Variants in GSK3B observed in about 807,000 individuals in gnomAD.
The protein encoded by GSK3B is glycogen synthase kinase-3 beta.
A neutral mutation model predicts 56.4 loss-of-function variants in GSK3B; 15 were observed. That is an observed-to-expected ratio of 0.27 (90% CI 0.18 to 0.41). The LOEUF is 0.41. Among genes scored for constraint, GSK3B ranks in the 10% least tolerant of loss-of-function variants. GSK3B has a pLI of 1.00. For synonymous variants in GSK3B, 181 were observed against 188.9 expected, an observed-to-expected ratio of 0.96 and a Z score of 0.34; for missense variants, 300 against 513.4, an observed-to-expected ratio of 0.58 and a Z score of 4.02.
At position 119,831,448 on chromosome 3, in the gene GSK3B, G is replaced by A. The variant is rs112226553; in HGVS notation, c.1196-4593C>T. ...CGAGGTGGGCGGATCACAAAGTCAG[G>A]AGATAGAGACCATCCTGGCTAACAC... On this transcript the variant is annotated intron_variant, in intron 10 of 10. Transcript: ENST00000264235. Among the ~76,000 whole-genome samples the A allele has an allele frequency of 9.4e-3, 1,428 of 152,188 alleles. 15 individuals are homozygous for A. The highest frequency in any genetic ancestry group is 0.032 in the African/African-American group (1,340 of 41,518).
intron 1 of GSK3B, among the ~76,000 whole-genome samples, chr3:120,020,232 T>C (rs964570982): frequency 3.9e-5 from 6 of 152,192 alleles, no homozygotes; most frequent in Non-Finnish European, 7.3e-5. Flanking sequence ...ACACCATACA[T>C]TTTCAAATAC....
At chr3:120,043,808 A>T (rs2058081859) in intron 1 of GSK3B, among the ~76,000 whole-genome samples, 1 of 152,204 alleles carries the variant, frequency 6.6e-6, no homozygotes, top group African/African-American at 2.4e-5. Context: ...AGACCAATGG[A>T]TACAACCCTA....
intron 7 of GSK3B, among the ~76,000 whole-genome samples, chr3:119,890,395 A>G (rs1284692791): frequency 6.6e-6 from 1 of 152,124 alleles, no homozygotes; most frequent in African/African-American, 2.4e-5. Flanking sequence ...AAAGAAATAT[A>G]TGATTTCGTT....
At chr3:119,863,857 A>C (rs1441119402) in intron 8 of GSK3B, among the ~76,000 whole-genome samples, 1 of 152,236 alleles carries the variant, frequency 6.6e-6, no homozygotes, top group Non-Finnish European at 1.5e-5. Context: ...AGACATGCAT[A>C]CAAAATATGA....
chr3:120,080,548 C>T (rs2058410596), intron 1 of GSK3B, among the ~76,000 whole-genome samples: 2 of 151,788 alleles, frequency 1.3e-5, no homozygotes, highest in Admixed American at 1.3e-4. Flanking sequence ...AAATTAGTTT[C>T]GGCCAGGTGC....
At chr3:119,911,579 G>A (rs1260601477) in intron 6 of GSK3B, among the ~76,000 whole-genome samples, 5 of 152,064 alleles carry the variant, frequency 3.3e-5, no homozygotes, top group East Asian at 1.9e-4. Flanking sequence ...AGTCCTAAAC[G>A]GTATCTTCTT....
At chr3:119,916,248 G>A (rs2056779319) in intron 4 of GSK3B, 74 bp from the exon 5 acceptor site, 1 of 1,278,734 alleles carries the variant, frequency 7.8e-7, no homozygotes, top group Admixed American at 2.0e-5. Context: ...AGTCAATAAA[G>A]TAACAGATTC....
intron 1 of GSK3B, among the ~76,000 whole-genome samples, chr3:120,014,208 C>A (rs1204313331): frequency 2.7e-5 from 4 of 150,620 alleles, no homozygotes; most frequent in African/African-American, 9.7e-5. Context: ...CAGTGGCTCA[C>A]ATCTGCAATC....
chr3:120,003,253 C>T (rs1402820794), intron 1 of GSK3B, among the ~76,000 whole-genome samples: 1 of 152,222 alleles, frequency 6.6e-6, no homozygotes, highest in Non-Finnish European at 1.5e-5. Flanking sequence ...TCCAACGGCT[C>T]TCTTCAATTC....
chr3:119,918,111 T>C (rs1290806487), intron 4 of GSK3B, among the ~76,000 whole-genome samples: 1 of 152,150 alleles, frequency 6.6e-6, no homozygotes, highest in Non-Finnish European at 1.5e-5. Context: ...AGTGCTTCTC[T>C]TTCAATTACT....
intron 2 of GSK3B, among the ~76,000 whole-genome samples, chr3:119,979,171 C>T (rs956239806): frequency 6.6e-6 from 1 of 152,148 alleles, no homozygotes; most frequent in Admixed American, 6.5e-5. Context: ...CTTTAACTTG[C>T]AAATTCTCAG....
intron 2 of GSK3B, among the ~76,000 whole-genome samples, chr3:119,950,136 T>C (rs1178810625): frequency 3.3e-5 from 5 of 152,140 alleles, no homozygotes; most frequent in South Asian, 2.1e-4. Flanking sequence ...AGAAAGAATG[T>C]TATCTTAGAA....
At chr3:120,055,401 T>A (rs565731620) in intron 1 of GSK3B, among the ~76,000 whole-genome samples, 20 of 152,310 alleles carry the variant, frequency 1.3e-4, no homozygotes, top group African/African-American at 4.6e-4. Flanking sequence ...ACAGCAATAA[T>A]AGTATATCAA....
At chr3:119,880,220 A>G (rs1411704758) in intron 7 of GSK3B, among the ~76,000 whole-genome samples, 1 of 152,218 alleles carries the variant, frequency 6.6e-6, no homozygotes, top group African/African-American at 2.4e-5. Context: ...CTGATGATCA[A>G]TGATGTTGAG....
chr3:119,979,354 C>T (rs560170968), intron 2 of GSK3B, among the ~76,000 whole-genome samples: 1 of 152,208 alleles, frequency 6.6e-6, no homozygotes, highest in Admixed American at 6.5e-5. Flanking sequence ...TCCGAAACTC[C>T]TTTTGACCCT....
At chr3:119,886,913 T>C (rs1373101099) in intron 7 of GSK3B, among the ~76,000 whole-genome samples, 1 of 152,090 alleles carries the variant, frequency 6.6e-6, no homozygotes, top group Non-Finnish European at 1.5e-5. Context: ...CTATGCTCAG[T>C]ACCTGGGTGA....
At chr3:120,077,418 T>C (rs1243172477) in intron 1 of GSK3B, among the ~76,000 whole-genome samples, 2 of 152,154 alleles carry the variant, frequency 1.3e-5, no homozygotes, top group Admixed American at 1.3e-4. Context: ...CAATTATATG[T>C]GAAATCTTTT....
intron 1 of GSK3B, among the ~76,000 whole-genome samples, chr3:120,037,741 G>A (rs906065755): frequency 1.6e-4 from 24 of 151,766 alleles, no homozygotes; most frequent in Non-Finnish European, 1.5e-5. Context: ...GAGCATATAA[G>A]CATGCATTTA....
intron 1 of GSK3B, among the ~76,000 whole-genome samples, chr3:120,009,179 A>T (rs1032562605): frequency 6.6e-6 from 1 of 152,198 alleles, no homozygotes; most frequent in African/African-American, 2.4e-5. Flanking sequence ...AAAAGTCAGG[A>T]AACAACAGAT....
Sources: allele counts gnomAD v4.1 joint callset (sites outside exome capture counted in the v4.1 genomes callset), GRCh38; gene constraint gnomAD v4.1.1; transcripts MANE v1.5; gene names NCBI Gene and HGNC (gene_info 2026-07-23, HGNC 2026-07-21).